Variants in VAV3 observed in about 807,000 individuals in gnomAD.
VAV3 encodes the protein vav guanine nucleotide exchange factor 3.
In VAV3, 94 loss-of-function variants were observed where a neutral mutation model predicts 131.2. That is an observed-to-expected ratio of 0.72 (90% CI 0.61 to 0.85). VAV3 has a LOEUF of 0.85. VAV3 is among the 40% of genes least tolerant of loss of function. The pLI is 0.00. For missense variants in VAV3, 939 were observed against 1,002.7 expected, an observed-to-expected ratio of 0.94 and a Z score of 0.86; for synonymous variants, 349 against 342.0, an observed-to-expected ratio of 1.02 and a Z score of -0.22.
At chr1:107,757,402 C>A in intron 10 of VAV3, 73 bp from the exon 11 acceptor site, 1 of 1,217,338 alleles carries the variant, frequency 8.2e-7, no homozygotes, top group Non-Finnish European at 1.2e-6. Context: ...AACATTTTTA[C>A]AAATAAACCA....
At chr1:107,737,722 T>A (rs1662745337) in intron 15 of VAV3, among the ~76,000 whole-genome samples, 1 of 152,188 alleles carries the variant, frequency 6.6e-6, no homozygotes, top group Admixed American at 6.5e-5. Flanking sequence ...CTGGACAGGA[T>A]GTGGAGAAAT....
At chr1:107,674,325 T>C (rs1002055642) in intron 19 of VAV3, among the ~76,000 whole-genome samples, 3 of 152,212 alleles carry the variant, frequency 2.0e-5, no homozygotes, top group Admixed American at 1.3e-4. Flanking sequence ...AGCTGCCTTA[T>C]CTTCTGGTAG....
intron 9 of VAV3, among the ~76,000 whole-genome samples, chr1:107,762,500 G>A (rs1570914914): frequency 1.3e-5 from 2 of 152,104 alleles, no homozygotes; most frequent in East Asian, 3.9e-4. Context: ...TCTACAGATT[G>A]TAGAGAGCTC....
chr1:107,831,726 A>AT (rs1412946517), intron 2 of VAV3, among the ~76,000 whole-genome samples: 10 of 152,222 alleles, frequency 6.6e-5, no homozygotes, highest in Non-Finnish European at 1.3e-4. Flanking sequence ...TTAAACCTCT[A>AT]TTTTTGGGAT....
At chr1:107,777,577 G>A (rs772137126) in intron 3 of VAV3, 48 of 433,458 alleles carry the variant, frequency 1.1e-4, no homozygotes, top group African/African-American at 3.8e-4. Flanking sequence ...TCATAATAAC[G>A]TGCTTATCTG....
chr1:107,639,990 C>T (rs761541538), intron 20 of VAV3, among the ~76,000 whole-genome samples: 13 of 151,200 alleles, frequency 8.6e-5, no homozygotes, highest in Non-Finnish European at 1.5e-4. Flanking sequence ...ATAAGAGGCA[C>T]CTAAAACTCA....
At chr1:107,651,038 TGGA>T (rs1481683809) in intron 19 of VAV3, among the ~76,000 whole-genome samples, 1 of 151,962 alleles carries the variant, frequency 6.6e-6, no homozygotes, top group Non-Finnish European at 1.5e-5. Context: ...GCCACAAGGG[TGGA>T]GCCCCATGTG....
chr1:107,770,336 T>G (rs1338787380), intron 6 of VAV3, among the ~76,000 whole-genome samples: 1 of 151,942 alleles, frequency 6.6e-6, no homozygotes, highest in Non-Finnish European at 1.5e-5. Flanking sequence ...TTCAGAAAAC[T>G]TATGACCATC....
At chr1:107,676,235 A>T (rs1658201429) in intron 19 of VAV3, among the ~76,000 whole-genome samples, 1 of 152,256 alleles carries the variant, frequency 6.6e-6, no homozygotes, top group Admixed American at 6.5e-5. Context: ...TGAGCACAGA[A>T]GCCAGGCTGG....
At chr1:107,887,325 A>C (rs566573837) in intron 1 of VAV3, among the ~76,000 whole-genome samples, 1 of 152,342 alleles carries the variant, frequency 6.6e-6, no homozygotes. Flanking sequence ...ACAGTGACCC[A>C]CCAGTGCATG....
At chr1:107,832,421 A>C (rs1007563882) in intron 2 of VAV3, among the ~76,000 whole-genome samples, 1 of 152,228 alleles carries the variant, frequency 6.6e-6, no homozygotes. Context: ...GAATTCGTGG[A>C]CCGGGTCTTT....
rs182130048 is a variant in VAV3, at chr1:107,594,230, C to T, written c.2350+1982G>A. Among the ~76,000 whole-genome samples, 14 of 152,106 alleles carry T rather than the reference C, an allele frequency of 9.2e-5. No individual in the cohort carries two copies. In the East Asian group the frequency reaches 1.7e-3, roughly 19 times the overall value. ...ATAAAAATATGAAACTCCTCCAAAC[C>T]AGACTTGCCTGAGTTTCCCCATTGA... On this transcript the variant is annotated intron_variant, in intron 25 of 26. Transcript: ENST00000370056.
chr1:107,596,324 G>C lies in VAV3; in HGVS notation c.2238C>G (p.Tyr746Ter). The change falls in exon 25 of 27, where the codon TAC becomes TAG. Residue 746 changes from tyrosine (Y) to a stop codon, truncating the protein, a stop_gained. Coordinates refer to ENST00000370056, the MANE Select transcript of VAV3 (RefSeq NM_006113.5). LOFTEE classifies it high-confidence loss of function. ...FKSLMELVEY[Y>*]KHHSLKEGFR... is the part of the protein sequence containing the mutation. The stretch of plus-strand genomic sequence containing the variant: ...ACCCTTCCTTGAGAGAATGATGCTT[G>C]TAGTACTCCACAAGTTCCTTTGGAA... The C allele has an allele frequency of 6.2e-7, 1 of 1,612,446 alleles. No homozygotes were observed. The highest frequency in any genetic ancestry group is 8.5e-7 in the Non-Finnish European group (1 of 1,179,204).
chr1:107,732,294 C>G (rs1013537147), intron 15 of VAV3, among the ~76,000 whole-genome samples: 3 of 152,202 alleles, frequency 2.0e-5, no homozygotes, highest in Non-Finnish European at 2.9e-5. Context: ...CCCAGCGTGA[C>G]TGACGCAGAA....
intron 1 of VAV3, among the ~76,000 whole-genome samples, chr1:107,898,846 T>C (rs1671730592): frequency 6.6e-6 from 1 of 152,188 alleles, no homozygotes; most frequent in Admixed American, 6.5e-5. Context: ...TGTAGTTCCA[T>C]TTAAAAACAA....
intron 15 of VAV3, among the ~76,000 whole-genome samples, chr1:107,744,762 A>T (rs1663232016): frequency 6.6e-6 from 1 of 152,188 alleles, no homozygotes; most frequent in Admixed American, 6.5e-5. Context: ...GAGAAAACAA[A>T]AACAAAAAAC....
At chr1:107,753,761 T>C (rs1663928481) in intron 12 of VAV3, among the ~76,000 whole-genome samples, 1 of 151,868 alleles carries the variant, frequency 6.6e-6, no homozygotes, top group East Asian at 2.0e-4. Context: ...GGTTTCACCA[T>C]GTTGGTCAGT....
chr1:107,753,493 T>TATATACACAC (rs1553201222), intron 12 of VAV3, among the ~76,000 whole-genome samples: 1 of 111,610 alleles, frequency 9.0e-6, no homozygotes, highest in South Asian at 2.6e-4. Context: ...TGTATATATA[T>TATATACACAC]ACACACATAT....
chr1:107,616,219 A>G (rs1653143220), intron 21 of VAV3, among the ~76,000 whole-genome samples: 1 of 152,236 alleles, frequency 6.6e-6, no homozygotes, highest in Non-Finnish European at 1.5e-5. Flanking sequence ...AGGATAAAGA[A>G]AATATGGTAC....
Sources: allele counts gnomAD v4.1 joint callset (sites outside exome capture counted in the v4.1 genomes callset), GRCh38; gene constraint gnomAD v4.1.1; transcripts MANE v1.5; gene names NCBI Gene and HGNC (gene_info 2026-07-23, HGNC 2026-07-21).